RAB1A: variants seen among roughly 807,000 people sequenced by gnomAD.
The protein encoded by RAB1A is RAB1A, member RAS oncogene family, also known as ras-related protein Rab-1A.
A neutral mutation model predicts 26.0 loss-of-function variants in RAB1A; 2 were observed. The observed-to-expected ratio is 0.08, with a 90% CI of 0.03 to 0.24. The LOEUF is 0.24. Ranked by LOEUF, RAB1A falls within the 10% of genes least tolerant of loss-of-function variation. RAB1A has a pLI of 1.00. For synonymous variants in RAB1A, 84 were observed against 84.9 expected (o/e 0.99, Z 0.06); for missense variants, 100 against 247.0 (o/e 0.40, Z 3.99).
At chr2:65,096,233 T>C (rs1207822330) in intron 3 of RAB1A, among the ~76,000 whole-genome samples, 1 of 152,046 alleles carries the variant, frequency 6.6e-6, no homozygotes, top group Non-Finnish European at 1.5e-5. Context: ...GAGAATCACT[T>C]GAACCCAGGA....
At chr2:65,114,122 A>T in intron 1 of RAB1A, 1 of 472,158 alleles carries the variant, frequency 2.1e-6, no homozygotes, top group South Asian at 1.6e-5. Flanking sequence ...AGCCACAAGT[A>T]TATGAAGTTA....
At chr2:65,117,712 G>T (rs1287830796) in intron 1 of RAB1A, among the ~76,000 whole-genome samples, 1 of 148,626 alleles carries the variant, frequency 6.7e-6, no homozygotes, top group East Asian at 2.0e-4. Context: ...GACCACAGGC[G>T]CGTGCCACCA....
chr2:65,108,699 G>C (rs998972982), intron 1 of RAB1A, among the ~76,000 whole-genome samples: 8 of 152,068 alleles, frequency 5.3e-5, no homozygotes, highest in Admixed American at 1.3e-4. Context: ...CCAGCTACTT[G>C]GGAGGCAAAG....
intron 2 of RAB1A, among the ~76,000 whole-genome samples, chr2:65,103,078 G>A (rs1362491405): frequency 6.6e-6 from 1 of 151,936 alleles, no homozygotes; most frequent in Non-Finnish European, 1.5e-5. Flanking sequence ...CACTTTGGGA[G>A]GCTGAGGCAC....
intron 1 of RAB1A, chr2:65,106,417 C>A: frequency 2.8e-6 from 1 of 355,350 alleles, no homozygotes; most frequent in Non-Finnish European, 5.5e-6. Flanking sequence ...GTTTTAATTG[C>A]ACTGCCAAAG....
At chr2:65,106,383 C>A in intron 1 of RAB1A, 1 of 341,030 alleles carries the variant, frequency 2.9e-6, no homozygotes, top group Non-Finnish European at 5.7e-6. Flanking sequence ...TACATGTAAA[C>A]AAGACATAAA....
At chr2:65,121,638 G>C (rs556563349) in intron 1 of RAB1A, among the ~76,000 whole-genome samples, 1 of 152,152 alleles carries the variant, frequency 6.6e-6, no homozygotes, top group African/African-American at 2.4e-5. Flanking sequence ...TTAATAATCT[G>C]CAACACTCCC....
chr2:65,111,316 C>G (rs1273644852), intron 1 of RAB1A, among the ~76,000 whole-genome samples: 1 of 150,246 alleles, frequency 6.7e-6, no homozygotes, highest in African/African-American at 2.5e-5. Flanking sequence ...GAGCCAAGAT[C>G]ATGCCATTGC....
At chr2:65,127,911 T>G (rs1485058017) in intron 1 of RAB1A, among the ~76,000 whole-genome samples, 1 of 152,072 alleles carries the variant, frequency 6.6e-6, no homozygotes, top group African/African-American at 2.4e-5. Flanking sequence ...TTTTTTTGCA[T>G]TTTTAGTAGA....
intron 1 of RAB1A, among the ~76,000 whole-genome samples, chr2:65,109,550 A>G (rs1244580852): frequency 6.6e-6 from 1 of 151,942 alleles, no homozygotes; most frequent in African/African-American, 2.4e-5. Flanking sequence ...CTAAAAAAAA[A>G]AATACAAAAA....
chr2:65,115,922 G>A (rs569968532), intron 1 of RAB1A, among the ~76,000 whole-genome samples: 6 of 152,234 alleles, frequency 3.9e-5, no homozygotes, highest in East Asian at 1.9e-4. Context: ...TTGGGAGGCC[G>A]AGGTGGGTGG....
At chr2:65,104,914 A>G (rs772937803) in intron 1 of RAB1A, 108 bp from the exon 2 acceptor site, 4 of 930,944 alleles carry the variant, frequency 4.3e-6, no homozygotes, top group Non-Finnish European at 7.1e-6. Context: ...TGAAGACTAC[A>G]TCTCCTATAA....
rs138019122 is a variant in RAB1A at position 65,110,051 on chromosome 2, G to A, written c.24-5245C>T. ...CATTTTTAATCAGGCCTCTTTCGTT[G>A]TGAGATACAGCTACAGAAAATTTGT... On this transcript the variant is annotated intron_variant, in intron 1 of 5. Coordinates refer to ENST00000409784, the MANE Select transcript of RAB1A (RefSeq NM_004161.5). Among the ~76,000 whole-genome samples the A allele has an allele frequency of 3.7e-3, 564 of 152,276 alleles. 2 individuals are homozygous for A. Among genetic ancestry groups the A allele is most frequent in the African/African-American group, 0.013 (536 of 41,562 alleles).
intron 3 of RAB1A, among the ~76,000 whole-genome samples, chr2:65,091,589 T>C (rs887556628): frequency 2.0e-5 from 3 of 152,190 alleles, no homozygotes; most frequent in Non-Finnish European, 2.9e-5. Flanking sequence ...TACAGTGGCA[T>C]GATCATGGCT....
chr2:65,100,400 CA>C (rs34166798), intron 2 of RAB1A, among the ~76,000 whole-genome samples: 6,968 of 57,860 alleles, frequency 0.12, 136 homozygotes, highest in Non-Finnish European at 0.14. Context: ...GTCTCTGTCT[CA>C]AAAAAAAAAA....
At chr2:65,128,469 AT>A (rs913731617) in intron 1 of RAB1A, among the ~76,000 whole-genome samples, 2 of 152,208 alleles carry the variant, frequency 1.3e-5, no homozygotes, top group Non-Finnish European at 2.9e-5. Context: ...TTGAAAAAAA[AT>A]TTTTTTTAAA....
chr2:65,119,490 G>C (rs546930252), intron 1 of RAB1A, among the ~76,000 whole-genome samples: 1 of 150,926 alleles, frequency 6.6e-6, no homozygotes, highest in South Asian at 2.1e-4. Context: ...CTGGGTGGGA[G>C]GCAGAAGTTG....
chr2:65,111,645 A>C (rs1241592419), intron 1 of RAB1A, among the ~76,000 whole-genome samples: 1 of 152,230 alleles, frequency 6.6e-6, no homozygotes, highest in Admixed American at 6.5e-5. Context: ...CTTAATTTGG[A>C]CAAATGTACC....
intron 1 of RAB1A, among the ~76,000 whole-genome samples, chr2:65,113,449 T>C (rs1669749158): frequency 6.6e-6 from 1 of 152,104 alleles, no homozygotes; most frequent in Non-Finnish European, 1.5e-5. Flanking sequence ...AAGGTTGCAG[T>C]GAGCTAGGAA....
Sources: allele counts gnomAD v4.1 joint callset (sites outside exome capture counted in the v4.1 genomes callset), GRCh38; gene constraint gnomAD v4.1.1; transcripts MANE v1.5; gene names NCBI Gene and HGNC (gene_info 2026-07-23, HGNC 2026-07-21).